The following CLEC16A variants were observed in gnomAD, a reference collection of about 807,000 sequenced individuals.
CLEC16A encodes C-type lectin domain containing 16A.
A neutral mutation model predicts 109.5 loss-of-function variants in CLEC16A; 51 were observed. That is an observed-to-expected ratio of 0.47 (90% CI 0.37 to 0.59). The LOEUF is 0.59. Ranked by LOEUF, CLEC16A falls within the 20% of genes least tolerant of loss-of-function variation. The probability of loss-of-function intolerance (pLI) is 0.00; values close to 1 mark genes in which losing one functional copy is unlikely to be tolerated. For missense variants in CLEC16A, 1,339 were observed against 1,394.0 expected (o/e 0.96, Z 0.63); for synonymous variants, 673 against 564.2 (o/e 1.19, Z -2.73).
At chr16:11,084,228 C>G (rs113077967) in intron 19 of CLEC16A, among the ~76,000 whole-genome samples, 329 of 152,240 alleles carry the variant, frequency 2.2e-3, no homozygotes, top group African/African-American at 7.4e-3. Flanking sequence ...TCCCTGACAC[C>G]TTCAACTCTG....
At chr16:10,947,319 G>GTA (rs2041437745) in intron 1 of CLEC16A, among the ~76,000 whole-genome samples, 1 of 152,202 alleles carries the variant, frequency 6.6e-6, no homozygotes, top group Non-Finnish European at 1.5e-5. Flanking sequence ...TGGGTCTTGG[G>GTA]TACAGAACAG....
At chr16:11,104,258 GC>G (rs1275232282) in intron 19 of CLEC16A, among the ~76,000 whole-genome samples, 1 of 142,866 alleles carries the variant, frequency 7.0e-6, no homozygotes, top group Non-Finnish European at 1.5e-5. Flanking sequence ...ACAGCCATGT[GC>G]CACCATACCC....
At chr16:11,163,034 C>T (rs1053489315) in intron 22 of CLEC16A, among the ~76,000 whole-genome samples, 2 of 152,202 alleles carry the variant, frequency 1.3e-5, no homozygotes, top group Non-Finnish European at 1.5e-5. Context: ...TCCTGTCGCA[C>T]GATCTCTGGC....
At chr16:11,098,006 G>A (rs541781528) in intron 19 of CLEC16A, among the ~76,000 whole-genome samples, 1 of 152,324 alleles carries the variant, frequency 6.6e-6, no homozygotes, top group Non-Finnish European at 1.5e-5. Flanking sequence ...TGGCTGTGTG[G>A]TAGAATCACT....
At position 11,178,308 on chromosome 16, in the gene CLEC16A, G is replaced by A. The variant is rs1245216789; in HGVS notation, c.2807-27G>A. ...ACGGGGTGTCTCAAGGGCTCAGTGT[G>A]TTTCCGGTTTTTCTCCCCCAATCCA... On this transcript the variant is annotated intron_variant, in intron 23 of 23. Transcript: ENST00000409790. This position sits in a 1 kb window ranked among gnomAD's most constrained non-coding sequence, Gnocchi z 6.5. The A allele has an allele frequency of 1.3e-6, 2 of 1,578,348 alleles. No homozygotes were observed. The highest frequency in any genetic ancestry group is 1.7e-5 in the Admixed American group (1 of 59,052).
At chr16:10,950,770 C>T (rs760622759) in intron 1 of CLEC16A, among the ~76,000 whole-genome samples, 1 of 152,210 alleles carries the variant, frequency 6.6e-6, no homozygotes, top group African/African-American at 2.4e-5. Flanking sequence ...TCTGTGTCTC[C>T]CATCCCTCTA....
At chr16:11,085,579 G>A (rs748594086) in intron 19 of CLEC16A, among the ~76,000 whole-genome samples, 6 of 152,256 alleles carry the variant, frequency 3.9e-5, no homozygotes, top group Non-Finnish European at 5.9e-5. Context: ...GCTGAAGACA[G>A]TGCCGTGTGT....
At chr16:11,111,387 C>G (rs756741884) in intron 19 of CLEC16A, among the ~76,000 whole-genome samples, 1 of 152,154 alleles carries the variant, frequency 6.6e-6, no homozygotes, top group African/African-American at 2.4e-5. Flanking sequence ...CTTGGGCTTC[C>G]TCACAACATG....
intron 1 of CLEC16A, among the ~76,000 whole-genome samples, chr16:10,957,305 C>G (rs2042035771): frequency 6.6e-6 from 1 of 152,364 alleles, no homozygotes; most frequent in Non-Finnish European, 1.5e-5. Context: ...GTGGCTCCAT[C>G]TCTCTAAACC....
chr16:11,157,141 A>C (rs2054564146), intron 22 of CLEC16A: 1 of 1,278,794 alleles, frequency 7.8e-7, no homozygotes, highest in East Asian at 5.6e-5. Flanking sequence ...ATAGGCTAAA[A>C]GACTCTGCAA....
intron 10 of CLEC16A, among the ~76,000 whole-genome samples, chr16:10,991,117 ATAG>A (rs2043980187): frequency 6.6e-6 from 1 of 152,090 alleles, no homozygotes; most frequent in Admixed American, 6.6e-5. Flanking sequence ...AATAAAGCAA[ATAG>A]TAACATCAGG....
intron 19 of CLEC16A, among the ~76,000 whole-genome samples, chr16:11,086,295 A>G (rs1016281848): frequency 6.6e-6 from 1 of 152,104 alleles, no homozygotes; most frequent in African/African-American, 2.4e-5. Context: ...CTGGCTCAAG[A>G]TCCCCACTCG....
intron 22 of CLEC16A, among the ~76,000 whole-genome samples, chr16:11,127,352 G>T (rs748122260): frequency 1.2e-4 from 18 of 152,178 alleles, no homozygotes; most frequent in Non-Finnish European, 2.5e-4. Flanking sequence ...TCGTATTTGG[G>T]TCATTTCCAG....
intron 19 of CLEC16A, among the ~76,000 whole-genome samples, chr16:11,115,572 C>A (rs767508694): frequency 1.3e-5 from 2 of 152,150 alleles, no homozygotes; most frequent in Non-Finnish European, 2.9e-5. Flanking sequence ...GAGGTTTTGC[C>A]ATGTTGCACA....
intron 2 of CLEC16A, among the ~76,000 whole-genome samples, chr16:10,960,268 C>G (rs1188403075): frequency 6.6e-6 from 1 of 152,070 alleles, no homozygotes; most frequent in Non-Finnish European, 1.5e-5. Flanking sequence ...ATCCATGTTC[C>G]CATAGTACAT....
chr16:11,078,245 C>A (rs557613056), intron 19 of CLEC16A, among the ~76,000 whole-genome samples: 41 of 152,114 alleles, frequency 2.7e-4, no homozygotes, highest in African/African-American at 9.9e-4. Context: ...CAATCTGTAC[C>A]CAGACCTCAC....
rs201675873 is a variant in CLEC16A at position 11,123,806 on chromosome 16, C to T, written c.2333C>T (p.Ala778Val). The change falls in exon 21 of 24, where the codon GCG (alanine) becomes GTG (valine). Residue 778 changes from alanine (A) to valine (V), a missense_variant. Transcript: ENST00000409790. ...RALNITIHKPASSPHSKPFPI... is the reference protein window; with the variant it reads ...RALNITIHKPVSSPHSKPFPI... ...CTGAACATCACCATCCACAAGCCTG[C>T]GTCCAGCCCCCATTCCAAGCCCTTC... 351 of 1,614,074 alleles carry T rather than the reference C, an allele frequency of 2.2e-4. No homozygotes were observed. In the East Asian group the frequency reaches 6.0e-3, roughly 27 times the overall value.
At chr16:11,127,180 G>T (rs1022777314) in intron 22 of CLEC16A, among the ~76,000 whole-genome samples, 3 of 152,114 alleles carry the variant, frequency 2.0e-5, no homozygotes, top group Non-Finnish European at 4.4e-5. Context: ...GCATATGTTT[G>T]TTTTTTACAC....
rs148959886 is a variant in CLEC16A, at chr16:11,097,260, C to G, written c.2117-23355C>G. 2.7e-3 allele frequency among the ~76,000 whole-genome samples: 417 copies of G among 152,314 alleles called. 1 individual carries two copies. Among genetic ancestry groups the G allele is most frequent in the African/African-American group, 9.7e-3 (404 of 41,554 alleles). Reference sequence around the variant, plus strand: ...CAGTGTGAGCAGCTGGGTGAGTAACCAGGGGCTGTTTTCCTGATGAAAATT... The same window carrying G: ...CAGTGTGAGCAGCTGGGTGAGTAACGAGGGGCTGTTTTCCTGATGAAAATT... On this transcript the variant is annotated intron_variant, in intron 19 of 23. Transcript: ENST00000409790.
Sources: allele counts gnomAD v4.1 joint callset (sites outside exome capture counted in the v4.1 genomes callset), GRCh38; gene constraint gnomAD v4.1.1; non-coding constraint Gnocchi (gnomAD v3.1); transcripts MANE v1.5; gene names NCBI Gene and HGNC (gene_info 2026-07-23, HGNC 2026-07-21).